Variants in KCNH8 observed in about 807,000 individuals in gnomAD.
The protein encoded by KCNH8 is voltage-gated delayed rectifier potassium channel KCNH8.
A neutral mutation model predicts 103.6 loss-of-function variants in KCNH8; 70 were observed. The ratio of observed to expected loss-of-function variants is 0.68; its 90% CI spans 0.56 to 0.82. KCNH8 has a LOEUF of 0.82. Ranked by LOEUF, KCNH8 falls within the 40% of genes least tolerant of loss-of-function variation. The pLI, the probability that KCNH8 is intolerant of heterozygous loss-of-function variation, is 0.00. For synonymous variants in KCNH8, 498 were observed against 489.4 expected, an observed-to-expected ratio of 1.02 and a Z score of -0.23; for missense variants, 1,217 against 1,329.9, an observed-to-expected ratio of 0.92 and a Z score of 1.32.
chr3:19,316,603 G>T (rs974152938), intron 3 of KCNH8, among the ~76,000 whole-genome samples: 3 of 151,900 alleles, frequency 2.0e-5, no homozygotes, highest in Non-Finnish European at 2.9e-5. Flanking sequence ...CTATCTCTCT[G>T]CTCCTCCAGC....
intron 8 of KCNH8, among the ~76,000 whole-genome samples, chr3:19,449,317 T>C (rs915357032): frequency 6.4e-5 from 9 of 141,360 alleles, no homozygotes; most frequent in South Asian, 4.5e-4. Flanking sequence ...TATATATATA[T>C]ACCCTGCTGG....
At chr3:19,214,500 G>A (rs900389497) in intron 1 of KCNH8, among the ~76,000 whole-genome samples, 1 of 152,160 alleles carries the variant, frequency 6.6e-6, no homozygotes, top group African/African-American at 2.4e-5. Flanking sequence ...ATAAAAGCCA[G>A]CTCCTTTGAC....
At chr3:19,169,654 C>A (rs1342320684) in intron 1 of KCNH8, among the ~76,000 whole-genome samples, 1 of 152,302 alleles carries the variant, frequency 6.6e-6, no homozygotes, top group African/African-American at 2.4e-5. Context: ...TTATTTCTCA[C>A]CTCCCTTTGG....
At chr3:19,465,973 T>C (rs1484871226) in intron 11 of KCNH8, among the ~76,000 whole-genome samples, 1 of 152,152 alleles carries the variant, frequency 6.6e-6, no homozygotes, top group East Asian at 1.9e-4. Context: ...CTCACTCTGT[T>C]GCACAGGCTG....
chr3:19,212,121 A>G (rs920148694), intron 1 of KCNH8, among the ~76,000 whole-genome samples: 3 of 152,202 alleles, frequency 2.0e-5, no homozygotes, highest in Non-Finnish European at 2.9e-5. Flanking sequence ...CACCTCTTTT[A>G]TCCAGATAGT....
chr3:19,361,938 C>A (rs1366158837), intron 5 of KCNH8, among the ~76,000 whole-genome samples: 1 of 152,034 alleles, frequency 6.6e-6, no homozygotes, highest in African/African-American at 2.4e-5. Context: ...GAAGTTGATA[C>A]AAGATCTGGT....
chr3:19,423,097 C>T (rs17005937), intron 7 of KCNH8, among the ~76,000 whole-genome samples: 11,587 of 151,988 alleles, frequency 0.076, 918 homozygotes, highest in East Asian at 0.2. Context: ...TGCCAGCAAC[C>T]TGAAATCTTG....
intron 1 of KCNH8, among the ~76,000 whole-genome samples, chr3:19,253,257 A>C (rs2064301760): frequency 6.6e-6 from 1 of 152,120 alleles, no homozygotes; most frequent in South Asian, 2.1e-4. Context: ...CTTTTGGGGA[A>C]AGCAGATTTA....
intron 13 of KCNH8, among the ~76,000 whole-genome samples, chr3:19,514,733 G>C (rs905879177): frequency 6.6e-6 from 1 of 151,544 alleles, no homozygotes; most frequent in African/African-American, 2.4e-5. Flanking sequence ...TCTAAGTCTA[G>C]AGTAGAGGTG....
chr3:19,479,140 A>G (rs913920433), intron 11 of KCNH8, among the ~76,000 whole-genome samples: 1 of 152,130 alleles, frequency 6.6e-6, no homozygotes. Flanking sequence ...CCTGGCGCAC[A>G]GACCTTTTAC....
chr3:19,329,788 A>AG (rs1044284003), intron 3 of KCNH8, among the ~76,000 whole-genome samples: 1 of 152,120 alleles, frequency 6.6e-6, no homozygotes, highest in Non-Finnish European at 1.5e-5. Flanking sequence ...CCTCATTTGG[A>AG]GGGAAAAAAA....
At chr3:19,167,331 G>A (rs548411215) in intron 1 of KCNH8, among the ~76,000 whole-genome samples, 4 of 152,296 alleles carry the variant, frequency 2.6e-5, no homozygotes, top group African/African-American at 9.6e-5. Context: ...TTTTGCTAAC[G>A]TAGATGTGTC....
At chr3:19,491,207 A>T (rs906636835) in intron 11 of KCNH8, among the ~76,000 whole-genome samples, 20 of 152,096 alleles carry the variant, frequency 1.3e-4, no homozygotes, top group Non-Finnish European at 2.5e-4. Context: ...TCACGCTTTT[A>T]AAAAAATGTT....
intron 7 of KCNH8, among the ~76,000 whole-genome samples, chr3:19,429,947 T>G (rs1214470646): frequency 2.0e-5 from 3 of 152,276 alleles, no homozygotes; most frequent in African/African-American, 7.2e-5. Flanking sequence ...TACTACATTT[T>G]CGTTATCCAG....
intron 3 of KCNH8, among the ~76,000 whole-genome samples, chr3:19,297,482 T>A (rs1256659014): frequency 1.3e-5 from 2 of 152,214 alleles, no homozygotes; most frequent in East Asian, 3.8e-4. Flanking sequence ...GATGATGACT[T>A]CCTGAATAGA....
chr3:19,471,914 G>C (rs974944705), intron 11 of KCNH8, among the ~76,000 whole-genome samples: 1 of 152,110 alleles, frequency 6.6e-6, no homozygotes, highest in African/African-American at 2.4e-5. Flanking sequence ...AGCCAAATAC[G>C]TAAGTAAAAA....
chr3:19,162,358 C>T (rs1023542678), intron 1 of KCNH8, among the ~76,000 whole-genome samples: 1 of 75,824 alleles, frequency 1.3e-5, no homozygotes, highest in South Asian at 4.0e-4. Context: ...ACTAAAAATA[C>T]AAAAAAAAAA....
intron 11 of KCNH8, among the ~76,000 whole-genome samples, chr3:19,458,352 G>A (rs2067566306): frequency 1.3e-5 from 2 of 151,776 alleles, no homozygotes; most frequent in Admixed American, 6.6e-5. Flanking sequence ...TGAGTTAGGG[G>A]GTGGAAGTAA....
At chr3:19,238,773 A>G (rs921934545) in intron 1 of KCNH8, among the ~76,000 whole-genome samples, 1 of 152,198 alleles carries the variant, frequency 6.6e-6, no homozygotes, top group Non-Finnish European at 1.5e-5. Flanking sequence ...CTTTTTCCTC[A>G]ATGAGCTTTT....
Sources: allele counts gnomAD v4.1 joint callset (sites outside exome capture counted in the v4.1 genomes callset), GRCh38; gene constraint gnomAD v4.1.1; transcripts MANE v1.5; gene names NCBI Gene and HGNC (gene_info 2026-07-23, HGNC 2026-07-21).